Variants in TNNI3K observed in about 807,000 individuals in gnomAD.
TNNI3K encodes serine/threonine-protein kinase TNNI3K.
TNNI3K carries 140 observed loss-of-function variants against 114.5 expected under a neutral mutation model. That is an observed-to-expected ratio of 1.22 (90% CI 1.07 to 1.41). The LOEUF is 1.41. Among genes scored for constraint, TNNI3K ranks in the 40% most tolerant of loss-of-function variants. The pLI is 0.00. For missense variants in TNNI3K, 1,125 were observed against 1,007.6 expected (o/e 1.12, Z -1.58); for synonymous variants, 347 against 347.5 (o/e 1.00, Z 0.02).
At chr1:74,341,323 G>T (rs1310965194) in intron 7 of TNNI3K, among the ~76,000 whole-genome samples, 1 of 152,032 alleles carries the variant, frequency 6.6e-6, no homozygotes, top group Non-Finnish European at 1.5e-5. Flanking sequence ...TTAGTAAAAA[G>T]GTTAAGTAAT....
At chr1:74,484,457 A>G (rs1668653620) in intron 21 of TNNI3K, among the ~76,000 whole-genome samples, 1 of 152,244 alleles carries the variant, frequency 6.6e-6, no homozygotes, top group Non-Finnish European at 1.5e-5. Context: ...CAATAAACAA[A>G]TAATATAAAA....
chr1:74,241,804 G>T (rs1265958196), intron 2 of TNNI3K, among the ~76,000 whole-genome samples: 7 of 150,934 alleles, frequency 4.6e-5, no homozygotes, highest in African/African-American at 1.2e-4. Context: ...GTCAATTTTG[G>T]CTTTTGTTGC....
chr1:74,459,132 A>G (rs1008668092), intron 20 of TNNI3K, among the ~76,000 whole-genome samples: 1 of 152,242 alleles, frequency 6.6e-6, no homozygotes, highest in Non-Finnish European at 1.5e-5. Context: ...AATGTGGTAC[A>G]TACACACCAT....
In TNNI3K at chr1:74,235,396, C is replaced by G. The variant is rs1653785980; in HGVS notation, c.-56C>G. On this transcript the variant is annotated 5_prime_UTR_variant, in exon 1 of 25. Coordinates refer to ENST00000326637, the MANE Select transcript of TNNI3K (RefSeq NM_015978.3). ...CAACTGGACTGTCACTGCACTTGAA[C>G]TTGGAATCTTATAACTTGAAGAACT... 3 of 1,259,018 alleles carry G rather than the reference C, an allele frequency of 2.4e-6. No homozygotes were observed. Among genetic ancestry groups the G allele is most frequent in the Non-Finnish European group, 3.4e-6 (3 of 887,406 alleles). 78.0% of individuals were successfully genotyped at this position (1,259,018 alleles called of 1,614,324 possible).
chr1:74,398,698 A>G (rs1310110108), intron 17 of TNNI3K, among the ~76,000 whole-genome samples: 1 of 152,174 alleles, frequency 6.6e-6, no homozygotes, highest in Admixed American at 6.5e-5. Flanking sequence ...GGCCTGATAG[A>G]AAATATTGAT....
intron 17 of TNNI3K, among the ~76,000 whole-genome samples, chr1:74,395,632 G>A (rs1340626724): frequency 1.3e-5 from 2 of 152,168 alleles, no homozygotes; most frequent in Admixed American, 6.5e-5. Flanking sequence ...TACGAAGCGA[G>A]TGCAGAGTCC....
chr1:74,529,627 T>C (rs1646554984), intron 23 of TNNI3K, among the ~76,000 whole-genome samples: 1 of 152,236 alleles, frequency 6.6e-6, no homozygotes, highest in South Asian at 2.1e-4. Context: ...TGTAGGAGGA[T>C]GTCTTTATTT....
intron 23 of TNNI3K, among the ~76,000 whole-genome samples, chr1:74,516,987 A>G (rs1646358232): frequency 1.3e-5 from 2 of 152,230 alleles, no homozygotes; most frequent in Admixed American, 6.5e-5. Context: ...TCCCATGAGC[A>G]TCATTATGAG....
chr1:74,257,705 G>C (rs939056454), intron 4 of TNNI3K, among the ~76,000 whole-genome samples: 17 of 115,678 alleles, frequency 1.5e-4, no homozygotes, highest in Non-Finnish European at 2.6e-4. Context: ...GTCTCGCTCT[G>C]TCACCCAGGC....
intron 23 of TNNI3K, among the ~76,000 whole-genome samples, chr1:74,525,450 A>T (rs1274168173): frequency 6.6e-6 from 1 of 152,198 alleles, no homozygotes; most frequent in Non-Finnish European, 1.5e-5. Flanking sequence ...GCTCAGTCTG[A>T]TTCACACCCT....
At chr1:74,360,600 T>C (rs1277073036) in intron 11 of TNNI3K, among the ~76,000 whole-genome samples, 2 of 152,098 alleles carry the variant, frequency 1.3e-5, no homozygotes, top group Admixed American at 6.6e-5. Flanking sequence ...TGTTATTTCA[T>C]GTTTCCAAGA....
intron 17 of TNNI3K, chr1:74,401,700 G>A (rs1664373524): frequency 2.8e-6 from 1 of 357,522 alleles, no homozygotes; most frequent in African/African-American, 2.2e-5. Flanking sequence ...GCTTAACACA[G>A]AGAAAATAAC....
intron 11 of TNNI3K, among the ~76,000 whole-genome samples, chr1:74,366,392 T>TCCTTCACAATCATAAGCC (rs959966705): frequency 1.1e-4 from 17 of 152,138 alleles, no homozygotes; most frequent in Admixed American, 3.9e-4. Flanking sequence ...GCATTTTTTA[T>TCCTTCACAATCATAAGCC]CCTTCACAAT....
At chr1:74,518,297 GTTC>G (rs1356060660) in intron 23 of TNNI3K, among the ~76,000 whole-genome samples, 4 of 152,070 alleles carry the variant, frequency 2.6e-5, no homozygotes, top group Non-Finnish European at 5.9e-5. Flanking sequence ...ATTGAAAGGA[GTTC>G]TTCTTTTATA....
intron 23 of TNNI3K, among the ~76,000 whole-genome samples, chr1:74,496,757 CTT>C (rs1669347062): frequency 6.6e-6 from 1 of 152,116 alleles, no homozygotes; most frequent in Admixed American, 6.5e-5. Flanking sequence ...AGTTCTGCCT[CTT>C]TTAAAATATT....
chr1:74,457,168 T>C (rs1570645589), intron 20 of TNNI3K, among the ~76,000 whole-genome samples: 1 of 152,174 alleles, frequency 6.6e-6, no homozygotes, highest in Non-Finnish European at 1.5e-5. Flanking sequence ...TATCAGTTTA[T>C]CACTAAAAGG....
intron 23 of TNNI3K, among the ~76,000 whole-genome samples, chr1:74,521,146 T>C (rs1646426581): frequency 6.6e-6 from 1 of 152,194 alleles, no homozygotes; most frequent in African/African-American, 2.4e-5. Context: ...TTTGTAGAGC[T>C]GAAATTAGGA....
chr1:74,397,148 C>CAGAG (rs780843301), intron 17 of TNNI3K, among the ~76,000 whole-genome samples: 2 of 150,816 alleles, frequency 1.3e-5, no homozygotes, highest in African/African-American at 4.9e-5. Context: ...GGCTCAGGCA[C>CAGAG]AGAGAGAGAA....
chr1:74,249,871 A>G (rs1654822680), intron 3 of TNNI3K, among the ~76,000 whole-genome samples: 1 of 152,212 alleles, frequency 6.6e-6, no homozygotes, highest in East Asian at 1.9e-4. Context: ...TCCCCAAAAT[A>G]TCATCAAGCA....
Sources: gnomAD v4.1 joint callset for allele counts (sites outside exome capture counted in the v4.1 genomes callset) on GRCh38, gnomAD v4.1.1 for gene constraint, MANE v1.5 for transcripts, NCBI Gene and HGNC (gene_info 2026-07-23, HGNC 2026-07-21) for gene names.